Variants in SFMBT1 observed in about 807,000 individuals in gnomAD.
SFMBT1 encodes Scm like with four mbt domains 1, also known as scm-like with four MBT domains protein 1.
A neutral mutation model predicts 108.7 loss-of-function variants in SFMBT1; 32 were observed. The ratio of observed to expected loss-of-function variants is 0.29; its 90% CI spans 0.22 to 0.40. SFMBT1 has a LOEUF of 0.40. SFMBT1 is among the 10% of genes least tolerant of loss of function. The pLI, the probability that SFMBT1 is intolerant of heterozygous loss-of-function variation, is 1.00. For synonymous variants in SFMBT1, 348 were observed against 369.5 expected (o/e 0.94, Z 0.67); for missense variants, 816 against 1,059.6 (o/e 0.77, Z 3.19).
chr3:53,039,957 G>A (rs1401930525), intron 1 of SFMBT1, among the ~76,000 whole-genome samples: 1 of 152,148 alleles, frequency 6.6e-6, no homozygotes, highest in East Asian at 1.9e-4. Context: ...TAAGTGCATT[G>A]GTGTGATCAC....
At position 53,041,167 on chromosome 3, in the gene SFMBT1, CAA is replaced by C. The variant is rs534490651; in HGVS notation, c.-131+4647_-131+4648del. 7.9e-5 allele frequency among the ~76,000 whole-genome samples: 12 copies of C among 151,302 alleles called. No homozygotes were observed. In the East Asian group the frequency reaches 2.1e-3, roughly 27 times the overall value. On this transcript the variant is annotated intron_variant, in intron 1 of 20. Transcript: ENST00000394752. The stretch of plus-strand genomic sequence containing the variant: ...AATTCCTTGAGTGACTGCCTGAAGA[CAA>C]AAGAGAACTAAATAAGGTTATAAAC...
At chr3:52,906,419 CT>C (rs1333014121) in intron 19 of SFMBT1, among the ~76,000 whole-genome samples, 178 bp from the exon 20 acceptor site, 2 of 152,194 alleles carry the variant, frequency 1.3e-5, no homozygotes, top group African/African-American at 4.8e-5. Flanking sequence ...AAATGTCTGT[CT>C]TTTATAATAC....
intron 1 of SFMBT1, among the ~76,000 whole-genome samples, chr3:52,978,481 C>T (rs368209371): frequency 2.6e-5 from 4 of 152,226 alleles, no homozygotes; most frequent in East Asian, 1.9e-4. Flanking sequence ...GACCCTACTC[C>T]TCTGGGGGTA....
chr3:52,931,951 G>T, intron 6 of SFMBT1, 111 bp downstream of exon 6: 1 of 1,237,766 alleles, frequency 8.1e-7, no homozygotes, highest in South Asian at 1.6e-5. Flanking sequence ...GCTCTATTAT[G>T]AGAACTAACA....
intron 1 of SFMBT1, among the ~76,000 whole-genome samples, chr3:53,000,300 A>C (rs1295761748): frequency 6.9e-6 from 1 of 145,766 alleles, no homozygotes; most frequent in South Asian, 2.2e-4. Flanking sequence ...CTTTGAAAGC[A>C]TTAAAAAAAC....
intron 12 of SFMBT1, 77 bp downstream of exon 12, chr3:52,920,460 A>G (rs1702485710): frequency 1.0e-6 from 1 of 997,942 alleles, no homozygotes; most frequent in African/African-American, 1.6e-5. Context: ...TGAAATGTCC[A>G]GATTAGTTTT....
At position 52,932,436 on chromosome 3, in the gene SFMBT1, T is replaced by C. The variant is rs1281152845; in HGVS notation, c.454-128A>G. On this transcript the variant is annotated intron_variant, in intron 5 of 20. Coordinates refer to ENST00000394752, the MANE Select transcript of SFMBT1 (RefSeq NM_016329.4). ...CCATTCAAAAGCCAGTGACACTAAA[T>C]TGTCTATCATCATACAAGCCTCTTA... The C allele has an allele frequency of 1.7e-5, 14 of 841,346 alleles. No individual in the cohort carries two copies. In the East Asian group the frequency reaches 3.5e-4, roughly 21 times the overall value. 52.1% of individuals were successfully genotyped at this position (841,346 alleles called of 1,614,324 possible).
At chr3:53,033,439 G>A (rs1334762347) in intron 1 of SFMBT1, among the ~76,000 whole-genome samples, 3 of 152,124 alleles carry the variant, frequency 2.0e-5, no homozygotes, top group Non-Finnish European at 4.4e-5. Context: ...GGGACTGCAG[G>A]TGTGAGCCGC....
At chr3:52,974,002 G>A (rs1333280913) in intron 1 of SFMBT1, among the ~76,000 whole-genome samples, 1 of 152,128 alleles carries the variant, frequency 6.6e-6, no homozygotes, top group Non-Finnish European at 1.5e-5. Flanking sequence ...GTGATTACAT[G>A]GGGAAGTTGC....
At chr3:52,998,074 A>G (rs969686070) in intron 1 of SFMBT1, among the ~76,000 whole-genome samples, 1 of 150,702 alleles carries the variant, frequency 6.6e-6, no homozygotes, top group Non-Finnish European at 1.5e-5. Context: ...TACAGCATGT[A>G]TAACAATGGG....
rs57640588 is a variant in SFMBT1, at chr3:53,040,968, A to ATTTTTTTTTTTTTTT, written c.-131+4833_-131+4847dup. On this transcript the variant is annotated intron_variant, in intron 1 of 20. Transcript: ENST00000394752. Reference sequence around the variant, plus strand: ...TACAGGCATGCACCAAGACACCTGAATTTTTTTTTTTTTTTTTTTTTTTTT... The same window carrying ATTTTTTTTTTTTTTT: ...TACAGGCATGCACCAAGACACCTGAATTTTTTTTTTTTTTTTTTTTTTTTTTTTTTTTTTTTTTTT... Among the ~76,000 whole-genome samples, 49 of 46,384 alleles carry ATTTTTTTTTTTTTTT rather than the reference A, an allele frequency of 1.1e-3. 3 individuals are homozygous for ATTTTTTTTTTTTTTT. The highest frequency in any genetic ancestry group is 1.2e-3 in the Non-Finnish European group (30 of 25,170). The allele number at this position is 46,384 out of a possible 152,430, so 30.4% of individuals were successfully genotyped here.
At position 52,907,140 on chromosome 3, in the gene SFMBT1, T is replaced by C; in HGVS notation, c.2260A>G (p.Arg754Gly). 6.2e-7 allele frequency: 1 copy of C among 1,614,222 alleles called. No individual in the cohort carries two copies. The change falls in exon 19 of 21, where the codon AGA becomes GGA. Residue 754 changes from arginine (R) to glycine (G), a missense_variant. Coordinates refer to ENST00000394752, the MANE Select transcript of SFMBT1 (RefSeq NM_016329.4). Reference sequence around the variant, plus strand: ...CGAAGCTCCCTTTTTCTCCTTTGTCTATCTGGAGGCAGCGATGTGGATATC... The same window carrying C: ...CGAAGCTCCCTTTTTCTCCTTTGTCCATCTGGAGGCAGCGATGTGGATATC... ...SEISTSLPPD[R>G]QRRKRELRTF...
At chr3:52,937,548 C>A (rs1703050852) in intron 4 of SFMBT1, among the ~76,000 whole-genome samples, 1 of 151,986 alleles carries the variant, frequency 6.6e-6, no homozygotes, top group African/African-American at 2.4e-5. Context: ...ATTCTTTTCC[C>A]TTCTTTCCCC....
intron 10 of SFMBT1, 43 bp downstream of exon 10, chr3:52,925,988 T>A: frequency 7.1e-7 from 1 of 1,411,996 alleles, no homozygotes; most frequent in South Asian, 1.2e-5. Flanking sequence ...CAGCAGTCCC[T>A]GCAGCCCTGC....
chr3:52,975,821 C>T (rs1191482768), intron 1 of SFMBT1, among the ~76,000 whole-genome samples: 1 of 152,028 alleles, frequency 6.6e-6, no homozygotes, highest in African/African-American at 2.4e-5. Context: ...AGGCTGGTCT[C>T]GAACTCCTGA....
At chr3:52,937,176 A>G (rs1262741241) in intron 4 of SFMBT1, among the ~76,000 whole-genome samples, 3 of 152,062 alleles carry the variant, frequency 2.0e-5, no homozygotes, top group African/African-American at 7.2e-5. Context: ...TGCCTACCAT[A>G]TACAAACAAC....
At chr3:53,000,801 A>C (rs1698522281) in intron 1 of SFMBT1, among the ~76,000 whole-genome samples, 1 of 150,000 alleles carries the variant, frequency 6.7e-6, no homozygotes, top group African/African-American at 2.4e-5. Context: ...TCTTTAAAAA[A>C]CTCACACAAG....
At chr3:52,958,535 G>A (rs1703858303) in intron 2 of SFMBT1, among the ~76,000 whole-genome samples, 1 of 152,182 alleles carries the variant, frequency 6.6e-6, no homozygotes, top group African/African-American at 2.4e-5. Flanking sequence ...AGGTGGCAGT[G>A]AGCAGAGATC....
chr3:53,005,682 G>C (rs183905215), intron 1 of SFMBT1, among the ~76,000 whole-genome samples: 1 of 152,314 alleles, frequency 6.6e-6, no homozygotes, highest in Admixed American at 6.5e-5. Context: ...AAAACATAGA[G>C]ATGACAACAC....
Sources: allele counts gnomAD v4.1 joint callset (sites outside exome capture counted in the v4.1 genomes callset), GRCh38; gene constraint gnomAD v4.1.1; transcripts MANE v1.5; gene names NCBI Gene and HGNC (gene_info 2026-07-23, HGNC 2026-07-21).